The following DPY19L1 variants were observed in gnomAD, a reference collection of about 807,000 sequenced individuals.
DPY19L1 encodes protein C-mannosyl-transferase DPY19L1.
In DPY19L1, 35 loss-of-function variants were observed where a neutral mutation model predicts 96.9. The observed-to-expected ratio is 0.36, with a 90% CI of 0.28 to 0.48. The LOEUF (loss-of-function observed/expected upper bound fraction) is 0.48. Among genes scored for constraint, DPY19L1 ranks in the 20% least tolerant of loss-of-function variants. DPY19L1 has a pLI of 0.99. For synonymous variants in DPY19L1, 205 were observed against 252.6 expected, an observed-to-expected ratio of 0.81 and a Z score of 1.79; for missense variants, 521 against 777.9, an observed-to-expected ratio of 0.67 and a Z score of 3.93.
chr7:35,017,928 GA>G lies in DPY19L1; in HGVS notation c.364del (p.Ser122LeufsTer33). 6.2e-7 allele frequency: 1 copy of G among 1,606,046 alleles called. No homozygotes were observed. Among genetic ancestry groups the G allele is most frequent in the South Asian group, 1.1e-5 (1 of 89,996 alleles). On this transcript the variant is annotated frameshift_variant, in exon 3 of 22. Coordinates refer to ENST00000638088, the MANE Select transcript of DPY19L1 (RefSeq NM_001366673.1). LOFTEE classifies it high-confidence loss of function. ...THLFENDRHF[S>X]HLSTLEREMA... ...CTCCCTTTCCAATGTTGAGAGGTGAGAAAAATGACGGTCATTTTCAAAGAGG... is the reference window on the plus strand; with the variant it reads ...CTCCCTTTCCAATGTTGAGAGGTGAGAAAATGACGGTCATTTTCAAAGAGG...
chr7:34,972,349 T>C (rs576314725), intron 8 of DPY19L1, among the ~76,000 whole-genome samples: 45 of 152,260 alleles, frequency 3.0e-4, no homozygotes, highest in African/African-American at 4.8e-4. Flanking sequence ...ATGGTACAGA[T>C]GGACTAAAGG....
At chr7:34,949,774 C>T in intron 14 of DPY19L1, 23 bp downstream of exon 14, 1 of 1,469,406 alleles carries the variant, frequency 6.8e-7, no homozygotes, top group Non-Finnish European at 9.4e-7. Context: ...CCTTAGGAAA[C>T]AGAACTAGAA....
chr7:34,993,360 G>A (rs896784491), intron 6 of DPY19L1, among the ~76,000 whole-genome samples: 1 of 151,872 alleles, frequency 6.6e-6, no homozygotes, highest in African/African-American at 2.4e-5. Flanking sequence ...CCTTTTACCA[G>A]CGAAATGAAA....
intron 6 of DPY19L1, among the ~76,000 whole-genome samples, chr7:35,005,242 T>C (rs1481503825): frequency 2.0e-5 from 3 of 151,640 alleles, no homozygotes; most frequent in African/African-American, 7.3e-5. Context: ...TACAAAGAAA[T>C]GAAGCTCAAA....
At chr7:34,994,012 G>A (rs1785230282) in intron 6 of DPY19L1, among the ~76,000 whole-genome samples, 1 of 152,136 alleles carries the variant, frequency 6.6e-6, no homozygotes, top group Admixed American at 6.5e-5. Context: ...GCTACAATAA[G>A]CTGAGATTGC....
chr7:35,004,130 C>T (rs187270664), intron 6 of DPY19L1, among the ~76,000 whole-genome samples: 436 of 152,292 alleles, frequency 2.9e-3, no homozygotes, highest in Middle Eastern at 0.01. Flanking sequence ...TATACCATTA[C>T]AGTAAATGAT....
chr7:34,994,696 C>T (rs1439983475), intron 6 of DPY19L1, among the ~76,000 whole-genome samples: 4 of 151,560 alleles, frequency 2.6e-5, no homozygotes, highest in African/African-American at 7.3e-5. Flanking sequence ...CCCAGCTACT[C>T]GGAAGGCTGA....
At chr7:34,996,648 G>A (rs1396508998) in intron 6 of DPY19L1, among the ~76,000 whole-genome samples, 1 of 151,988 alleles carries the variant, frequency 6.6e-6, no homozygotes, top group Non-Finnish European at 1.5e-5. Context: ...TGCAGAGTGT[G>A]TTGTCTTTAA....
intron 8 of DPY19L1, among the ~76,000 whole-genome samples, chr7:34,971,359 GC>G (rs778363826): frequency 1.3e-5 from 2 of 152,126 alleles, no homozygotes; most frequent in African/African-American, 2.4e-5. Flanking sequence ...CAAAATGAAA[GC>G]CCACACTTCC....
intron 7 of DPY19L1, among the ~76,000 whole-genome samples, chr7:34,973,881 G>C (rs1784779862): frequency 6.6e-6 from 1 of 152,084 alleles, no homozygotes; most frequent in Non-Finnish European, 1.5e-5. Context: ...TAAAAGGAAA[G>C]GGAGGAAAGT....
chr7:34,991,864 A>G (rs1785175159), intron 6 of DPY19L1, among the ~76,000 whole-genome samples: 1 of 152,246 alleles, frequency 6.6e-6, no homozygotes, highest in Non-Finnish European at 1.5e-5. Context: ...CAATGTATGT[A>G]AACTTAAAGG....
At chr7:35,022,747 C>T (rs550858124) in intron 1 of DPY19L1, among the ~76,000 whole-genome samples, 66 of 152,046 alleles carry the variant, frequency 4.3e-4, no homozygotes, top group Admixed American at 3.3e-4. Context: ...TCCTAATAAC[C>T]TCAATTGAAT....
chr7:34,965,535 G>A (rs188411012), intron 10 of DPY19L1, among the ~76,000 whole-genome samples: 1 of 152,194 alleles, frequency 6.6e-6, no homozygotes, highest in East Asian at 1.9e-4. Flanking sequence ...AACAGTGAGG[G>A]GATGAGCTCA....
chr7:34,949,579 C>G (rs1362641942), intron 14 of DPY19L1, among the ~76,000 whole-genome samples: 1 of 152,160 alleles, frequency 6.6e-6, no homozygotes, highest in East Asian at 1.9e-4. Flanking sequence ...CACTGCTAGT[C>G]TGAATGTGTA....
chr7:35,012,718 T>C (rs562761919), intron 4 of DPY19L1, among the ~76,000 whole-genome samples: 11 of 148,502 alleles, frequency 7.4e-5, no homozygotes, highest in South Asian at 4.3e-4. Flanking sequence ...TTCAAAGATA[T>C]ATTTCTGTAT....
intron 6 of DPY19L1, among the ~76,000 whole-genome samples, chr7:34,997,918 G>C (rs1045473868): frequency 1.3e-5 from 2 of 152,148 alleles, no homozygotes; most frequent in African/African-American, 4.8e-5. Flanking sequence ...TGGATCACGG[G>C]AAGAGAAGGT....
intron 3 of DPY19L1, among the ~76,000 whole-genome samples, chr7:35,014,872 A>G (rs966036053): frequency 6.6e-6 from 1 of 152,194 alleles, no homozygotes; most frequent in African/African-American, 2.4e-5. Context: ...TCAAAGCTAC[A>G]GGCACACAGG....
chr7:34,933,962 T>G (rs1377607239), intron 21 of DPY19L1, among the ~76,000 whole-genome samples: 1 of 152,044 alleles, frequency 6.6e-6, no homozygotes, highest in African/African-American at 2.4e-5. Flanking sequence ...CATATATACA[T>G]CTATCCTTTT....
chr7:34,958,216 C>T (rs1784419725), intron 10 of DPY19L1, 146 bp from the exon 11 acceptor site: 1 of 512,126 alleles, frequency 2.0e-6, no homozygotes, highest in East Asian at 3.6e-5. Flanking sequence ...CCATCTCACA[C>T]TTCAAACTCC....
Sources: gnomAD v4.1 joint callset for allele counts (sites outside exome capture counted in the v4.1 genomes callset) on GRCh38, gnomAD v4.1.1 for gene constraint, MANE v1.5 for transcripts, NCBI Gene and HGNC (gene_info 2026-07-23, HGNC 2026-07-21) for gene names.